The following SNX13 variants were observed in gnomAD, a reference collection of about 807,000 sequenced individuals.
SNX13 encodes the protein sorting nexin 13.
In SNX13, 45 loss-of-function variants were observed where a neutral mutation model predicts 133.6. The observed-to-expected ratio is 0.34, with a 90% CI of 0.27 to 0.43. The LOEUF is 0.43. SNX13 is among the 20% of genes least tolerant of loss of function. SNX13 has a pLI of 1.00. For synonymous variants in SNX13, 414 were observed against 373.9 expected (o/e 1.11, Z -1.24); for missense variants, 1,032 against 1,145.1 (o/e 0.90, Z 1.43).
intron 15 of SNX13, among the ~76,000 whole-genome samples, chr7:17,833,164 AG>A (rs1788721250): frequency 1.3e-5 from 2 of 151,616 alleles, no homozygotes; most frequent in Admixed American, 1.3e-4. Flanking sequence ...ATTTAATTAG[AG>A]CTTAATAAAT....
rs1450099613 is a variant in SNX13, at chr7:17,823,263, G to A, written c.1706-1615C>T. On this transcript the variant is annotated intron_variant, in intron 17 of 25. Transcript: ENST00000428135. ...AATATTGTTTTTAGCCTTTCTATGC[G>A]TGGAAGGCATGATATCTCATAGCAG... Among the ~76,000 whole-genome samples, 10 of 151,990 alleles carry A rather than the reference G, an allele frequency of 6.6e-5. No homozygotes were observed. In the East Asian group the frequency reaches 9.6e-4, roughly 15 times the overall value.
Position 17,840,094 on chromosome 7 carries a change from CA to C in SNX13, c.1166-95del, listed in dbSNP as rs1462625394. ...GACAAGTAAAGAAGGATTAAAGTTT[CA>C]AGTGTTTAAAACTCCACATTTTGAA... On this transcript the variant is annotated intron_variant, in intron 12 of 25. Coordinates refer to ENST00000428135, the MANE Select transcript of SNX13 (RefSeq NM_015132.5). The C allele has an allele frequency of 5.8e-6, 6 of 1,037,626 alleles. No individual in the cohort carries two copies. In the Admixed American group the frequency reaches 2.1e-4, roughly 36 times the overall value. The allele number at this position is 1,037,626 out of a possible 1,614,324, so 64.3% of individuals were successfully genotyped here.
chr7:17,819,021 T>C (rs1167470675), intron 18 of SNX13, among the ~76,000 whole-genome samples: 1 of 152,200 alleles, frequency 6.6e-6, no homozygotes, highest in Non-Finnish European at 1.5e-5. Flanking sequence ...TCTGTCTTGT[T>C]CTCTCATATG....
At chr7:17,899,891 G>A (rs1292720429) in intron 1 of SNX13, 1 of 152,144 alleles carries the variant, frequency 6.6e-6, no homozygotes, top group East Asian at 1.9e-4. Context: ...GGACATTGAA[G>A]AGTTAGGCAT....
At chr7:17,828,961 C>A (rs1788193754) in intron 16 of SNX13, among the ~76,000 whole-genome samples, 1 of 151,454 alleles carries the variant, frequency 6.6e-6, no homozygotes, top group Non-Finnish European at 1.5e-5. Context: ...AGGAGCAATT[C>A]CTTTTAGTTT....
intron 12 of SNX13, 35 bp downstream of exon 12, chr7:17,845,560 T>C: frequency 7.5e-7 from 1 of 1,327,616 alleles, no homozygotes; most frequent in South Asian, 1.4e-5. Context: ...AGAAATTCAA[T>C]GGCTGTATCA....
chr7:17,866,931 T>C (rs1394168551), intron 9 of SNX13, among the ~76,000 whole-genome samples: 3 of 152,194 alleles, frequency 2.0e-5, no homozygotes, highest in Admixed American at 2.0e-4. Context: ...GATTTGAACA[T>C]TATACATTGT....
At chr7:17,927,062 A>G (rs966703769) in intron 1 of SNX13, among the ~76,000 whole-genome samples, 17 of 152,150 alleles carry the variant, frequency 1.1e-4, no homozygotes, top group Non-Finnish European at 2.2e-4. Context: ...TAATAAGCAA[A>G]GATAAAAACT....
At chr7:17,814,748 C>G (rs1052166231) in intron 20 of SNX13, 86 bp downstream of exon 20, 2 of 1,166,730 alleles carry the variant, frequency 1.7e-6, no homozygotes, top group Non-Finnish European at 1.2e-6. Context: ...AACACACGTA[C>G]AAATCTAAAT....
At chr7:17,868,105 T>C (rs1028297299) in intron 9 of SNX13, among the ~76,000 whole-genome samples, 5 of 152,116 alleles carry the variant, frequency 3.3e-5, no homozygotes, top group Non-Finnish European at 7.4e-5. Flanking sequence ...AAAAATCAAA[T>C]AGTAGCCATT....
intron 1 of SNX13, among the ~76,000 whole-genome samples, chr7:17,901,095 G>A (rs557585804): frequency 1.3e-5 from 2 of 152,292 alleles, no homozygotes; most frequent in Admixed American, 1.3e-4. Flanking sequence ...GGCCAAAGGT[G>A]TGTCTAGAAA....
chr7:17,923,895 T>C (rs1353075184), intron 1 of SNX13, among the ~76,000 whole-genome samples: 11 of 152,040 alleles, frequency 7.2e-5, no homozygotes, highest in Non-Finnish European at 1.6e-4. Context: ...TGCCCTCAAA[T>C]CCTCAATAAA....
chr7:17,826,673 A>G (rs1428461431), intron 16 of SNX13, among the ~76,000 whole-genome samples: 1 of 152,132 alleles, frequency 6.6e-6, no homozygotes, highest in Non-Finnish European at 1.5e-5. Context: ...GAATCCATAG[A>G]CTATGATAGA....
intron 17 of SNX13, among the ~76,000 whole-genome samples, chr7:17,824,223 T>C (rs1787619294): frequency 6.6e-6 from 1 of 152,140 alleles, no homozygotes; most frequent in African/African-American, 2.4e-5. Context: ...CCATTACTAA[T>C]CATATTGTTT....
In SNX13 at chr7:17,816,070, TAC is replaced by T. The variant is rs1039733640; in HGVS notation, c.1953+110_1953+111del. 3.0e-5 allele frequency: 36 copies of T among 1,197,650 alleles called. No homozygotes were observed. In the Admixed American group the frequency reaches 7.5e-4, roughly 25 times the overall value. The allele number at this position is 1,197,650 out of a possible 1,614,324, so 74.2% of individuals were successfully genotyped here. On this transcript the variant is annotated intron_variant, in intron 19 of 25. Transcript: ENST00000428135. Reference sequence around the variant, plus strand: ...TGACATGCTGCACAAAAGTGGTTGCTACCCTGTGATTACAGTAAAAACATTCT... The same window carrying T: ...TGACATGCTGCACAAAAGTGGTTGCTCCTGTGATTACAGTAAAAACATTCT...
chr7:17,793,852 C>G lies in SNX13; in HGVS notation c.*193G>C. 1.7e-6 allele frequency: 1 copy of G among 576,058 alleles called. No individual in the cohort carries two copies. The highest frequency in any genetic ancestry group is 2.8e-6 in the Non-Finnish European group (1 of 357,480). 35.7% of individuals were successfully genotyped at this position (576,058 alleles called of 1,614,324 possible). On this transcript the variant is annotated 3_prime_UTR_variant, in exon 26 of 26. Transcript: ENST00000428135. ...AATATGCACCAAATCATTTAAGACA[C>G]AGAAATCTCTCTTGGTAGTGGTGGA...
At chr7:17,918,563 C>T (rs1799799228) in intron 1 of SNX13, among the ~76,000 whole-genome samples, 1 of 152,100 alleles carries the variant, frequency 6.6e-6, no homozygotes, top group Non-Finnish European at 1.5e-5. Context: ...GAGGTATCAT[C>T]TCACATCAGT....
intron 1 of SNX13, among the ~76,000 whole-genome samples, chr7:17,939,350 G>A (rs1802485830): frequency 6.6e-6 from 1 of 152,092 alleles, no homozygotes; most frequent in South Asian, 2.1e-4. Context: ...AAAGTGAAAG[G>A]CTTCGAAAAA....
intron 11 of SNX13, among the ~76,000 whole-genome samples, chr7:17,848,143 G>A (rs972302331): frequency 2.6e-5 from 4 of 152,092 alleles, no homozygotes; most frequent in African/African-American, 4.8e-5. Flanking sequence ...CCGGGACTAC[G>A]GCTGGACATT....
Sources: allele counts gnomAD v4.1 joint callset (sites outside exome capture counted in the v4.1 genomes callset), GRCh38; gene constraint gnomAD v4.1.1; transcripts MANE v1.5; gene names NCBI Gene and HGNC (gene_info 2026-07-23, HGNC 2026-07-21).